DPF3: variants seen among roughly 807,000 people sequenced by gnomAD.
DPF3 encodes the protein double PHD fingers 3, also known as zinc finger protein DPF3.
DPF3 carries 18 observed loss-of-function variants against 56.8 expected under a neutral mutation model. That is an observed-to-expected ratio of 0.32 (90% CI 0.22 to 0.47). The LOEUF (loss-of-function observed/expected upper bound fraction) is 0.47, where lower values mean the gene tolerates loss of function less well. DPF3 is among the 20% of genes least tolerant of loss of function. DPF3 has a pLI of 1.00. For missense variants in DPF3, 403 were observed against 488.8 expected, an observed-to-expected ratio of 0.82 and a Z score of 1.65; for synonymous variants, 188 against 180.2, an observed-to-expected ratio of 1.04 and a Z score of -0.35.
intron 3 of DPF3, among the ~76,000 whole-genome samples, chr14:72,749,884 AAGAG>A (rs1440362865): frequency 1.1e-4 from 17 of 151,916 alleles, no homozygotes; most frequent in Non-Finnish European, 2.2e-4. Context: ...AAAAGTAAGA[AAGAG>A]AGAGAGAGGT....
intron 1 of DPF3, chr14:72,836,194 C>T (rs909361962): frequency 4.1e-6 from 4 of 985,802 alleles, no homozygotes; most frequent in Non-Finnish European, 4.8e-6. Flanking sequence ...GGAGGGGGCA[C>T]TGAGGACAGA....
At chr14:72,836,260 T>C in intron 1 of DPF3, 1 of 985,582 alleles carries the variant, frequency 1.0e-6, no homozygotes. Context: ...GTGATATGCT[T>C]CCCTCACTCT....
intron 6 of DPF3, among the ~76,000 whole-genome samples, chr14:72,697,962 G>A (rs994429877): frequency 2.6e-5 from 4 of 152,006 alleles, no homozygotes; most frequent in African/African-American, 4.8e-5. Context: ...TGGCCTTTTC[G>A]TTTATTATAG....
chr14:72,718,230 C>A (rs1889012197), intron 5 of DPF3, among the ~76,000 whole-genome samples: 1 of 152,164 alleles, frequency 6.6e-6, no homozygotes, highest in Admixed American at 6.5e-5. Flanking sequence ...TCAAAGGTTG[C>A]TCAAATTTGG....
rs534388676 is a variant in DPF3 at position 72,703,080 on chromosome 14, C to T, written c.605-9867G>A. On this transcript the variant is annotated intron_variant, in intron 6 of 10. Coordinates refer to ENST00000556509, the MANE Select transcript of DPF3 (RefSeq NM_001280542.3). ...TCCTTTGCATTCTAGCACTTCACAA[C>T]TCTCTGTAGGTCCTGAAGCTATTAT... Among the ~76,000 whole-genome samples, 41 of 152,322 alleles carry T rather than the reference C, an allele frequency of 2.7e-4. 1 individual carries two copies. In the South Asian group the frequency reaches 8.3e-3, roughly 31 times the overall value.
Position 72,619,922 on chromosome 14 carries a change from C to T in DPF3, c.1047G>A (p.Pro349=), listed in dbSNP as rs541164786. 11 of 1,533,834 alleles carry T rather than the reference C, an allele frequency of 7.2e-6. No individual in the cohort carries two copies. Among genetic ancestry groups the T allele is most frequent in the Non-Finnish European group, 9.6e-6 (11 of 1,146,006 alleles). The change falls in exon 10 of 11, where the codon CCG becomes CCA. Residue 349 remains proline (P), a synonymous_variant. Coordinates refer to ENST00000556509, the MANE Select transcript of DPF3 (RefSeq NM_001280542.3). ...RGYHMYCLNP[P]VAEPPEGSWS... ...CATTACCTTCTGGGGGCTCAGCCAC[C>T]GGGGGATTTAAACAGTACATGTGAT...
intron 1 of DPF3, among the ~76,000 whole-genome samples, chr14:72,880,893 G>A (rs1886298269): frequency 6.6e-6 from 1 of 152,228 alleles, no homozygotes; most frequent in South Asian, 2.1e-4. Flanking sequence ...GAATAGGCAT[G>A]AGAAGGGGAA....
At chr14:72,838,209 C>T (rs1884376593) in intron 1 of DPF3, among the ~76,000 whole-genome samples, 2 of 152,156 alleles carry the variant, frequency 1.3e-5, no homozygotes, top group African/African-American at 4.8e-5. Context: ...AAACACAGCA[C>T]CAGGCCGGGC....
intron 3 of DPF3, among the ~76,000 whole-genome samples, chr14:72,733,844 G>T (rs142067902): frequency 6.6e-6 from 1 of 152,176 alleles, no homozygotes; most frequent in Non-Finnish European, 1.5e-5. Flanking sequence ...ATGAGGAAGC[G>T]GCAAGCGGGC....
intron 1 of DPF3, among the ~76,000 whole-genome samples, chr14:72,865,119 G>A (rs10146769): frequency 0.074 from 11,291 of 152,198 alleles, 756 homozygotes; most frequent in African/African-American, 0.18. Context: ...GAGAGAGGGA[G>A]ATTGAGTCAC....
intron 8 of DPF3, among the ~76,000 whole-genome samples, chr14:72,656,235 G>A (rs958782661): frequency 1.1e-4 from 17 of 151,988 alleles, no homozygotes; most frequent in African/African-American, 3.1e-4. Context: ...GTCTTTTTCC[G>A]CTAATTCAAA....
intron 3 of DPF3, among the ~76,000 whole-genome samples, chr14:72,751,052 T>G (rs1033170935): frequency 6.6e-6 from 1 of 151,954 alleles, no homozygotes; most frequent in African/African-American, 2.4e-5. Flanking sequence ...TAGCCAGACA[T>G]GGTGGCATGC....
chr14:72,851,174 C>T (rs1357901788), intron 1 of DPF3, among the ~76,000 whole-genome samples: 1 of 152,116 alleles, frequency 6.6e-6, no homozygotes, highest in Non-Finnish European at 1.5e-5. Flanking sequence ...ATGAACGCTC[C>T]CCTTTGAACG....
intron 1 of DPF3, among the ~76,000 whole-genome samples, chr14:72,837,510 G>A (rs986514953): frequency 5.3e-5 from 8 of 152,036 alleles, no homozygotes; most frequent in Admixed American, 2.0e-4. Context: ...AGCCGAGGCG[G>A]GTGGATCATC....
intron 2 of DPF3, among the ~76,000 whole-genome samples, chr14:72,769,991 T>C (rs368820266): frequency 2.0e-5 from 3 of 152,164 alleles, no homozygotes; most frequent in African/African-American, 2.4e-5. Context: ...TGTTTTTCTT[T>C]ATAGAAGTTG....
intron 1 of DPF3, among the ~76,000 whole-genome samples, chr14:72,807,834 G>A (rs1017480580): frequency 5.3e-5 from 8 of 152,182 alleles, no homozygotes; most frequent in African/African-American, 1.9e-4. Context: ...AGGCTTGGTG[G>A]CACATACATA....
chr14:72,700,714 G>A (rs1295481408), intron 6 of DPF3, among the ~76,000 whole-genome samples: 1 of 152,228 alleles, frequency 6.6e-6, no homozygotes, highest in East Asian at 1.9e-4. Context: ...TCAAGTCCCA[G>A]CTCTGCTGTT....
chr14:72,735,131 G>A lies in DPF3; in HGVS notation c.302-3197C>T, dbSNP rs560652940. Reference sequence around the variant, plus strand: ...CATGGACTCCACCCTGTCTCTCTGTGGTCCTTCCTTGAAAAGTCTTTTTCC... The same window carrying A: ...CATGGACTCCACCCTGTCTCTCTGTAGTCCTTCCTTGAAAAGTCTTTTTCC... On this transcript the variant is annotated intron_variant, in intron 3 of 10. Coordinates refer to ENST00000556509, the MANE Select transcript of DPF3 (RefSeq NM_001280542.3). 3.3e-5 allele frequency among the ~76,000 whole-genome samples: 5 copies of A among 152,034 alleles called. 1 individual carries two copies. The South Asian group carries it at 8.4e-4, about 25-fold the overall frequency.
At chr14:72,845,163 ACTC>A (rs1285850362) in intron 1 of DPF3, among the ~76,000 whole-genome samples, 5 of 151,914 alleles carry the variant, frequency 3.3e-5, no homozygotes, top group Admixed American at 2.0e-4. Flanking sequence ...CTCCACCCTA[ACTC>A]CCTTCCTAAG....
Sources: gnomAD v4.1 joint callset for allele counts (sites outside exome capture counted in the v4.1 genomes callset) on GRCh38, gnomAD v4.1.1 for gene constraint, MANE v1.5 for transcripts, NCBI Gene and HGNC (gene_info 2026-07-23, HGNC 2026-07-21) for gene names.